Variants in TMCO4 observed in about 807,000 individuals in gnomAD.
TMCO4 encodes transmembrane and coiled-coil domain-containing protein 4.
Under a neutral mutation model 64.7 loss-of-function variants are expected in TMCO4, and 58 were observed. The ratio of observed to expected loss-of-function variants is 0.90; its 90% CI spans 0.73 to 1.12. The LOEUF is 1.12. TMCO4 is among the 50% of genes most tolerant of loss of function. The pLI is 0.00. For missense variants in TMCO4, 780 were observed against 825.9 expected (o/e 0.94, Z 0.68); for synonymous variants, 325 against 346.1 (o/e 0.94, Z 0.68).
At chr1:19,797,429 A>G (rs936701594) in intron 2 of TMCO4, among the ~76,000 whole-genome samples, 3 of 152,134 alleles carry the variant, frequency 2.0e-5, no homozygotes, top group Non-Finnish European at 4.4e-5. Context: ...GAGCAGGTGC[A>G]AAGGTCCCAA....
At chr1:19,749,200 C>T (rs186674876) in intron 7 of TMCO4, among the ~76,000 whole-genome samples, 143 of 152,310 alleles carry the variant, frequency 9.4e-4, no homozygotes, top group African/African-American at 3.3e-3. Context: ...GGCATGAATC[C>T]TAGCTCTGCT....
At chr1:19,712,317 T>C (rs1242328765) in intron 13 of TMCO4, among the ~76,000 whole-genome samples, 2 of 151,966 alleles carry the variant, frequency 1.3e-5, no homozygotes, top group African/African-American at 2.4e-5. Flanking sequence ...CCATAACAGA[T>C]ACAATAATAA....
chr1:19,776,796 G>A (rs974792964), intron 4 of TMCO4, among the ~76,000 whole-genome samples: 1 of 152,138 alleles, frequency 6.6e-6, no homozygotes, highest in African/African-American at 2.4e-5. Context: ...GGAGGCCAAG[G>A]TGGGCAGATC....
rs1417260362 is a variant in TMCO4 at position 19,682,633 on chromosome 1, T to C, written c.*407A>G. 1 of 717,492 alleles carries C rather than the reference T, an allele frequency of 1.4e-6. No homozygotes were observed. Among genetic ancestry groups the C allele is most frequent in the Admixed American group, 2.0e-5 (1 of 50,024 alleles). The allele number at this position is 717,492 out of a possible 1,614,324, so 44.4% of individuals were successfully genotyped here. A position where few individuals can be genotyped will look rare whatever the true frequency, so the allele number is the denominator to read the frequency against. ...AGAACAGGCATGCACCTGGTTTTAT[T>C]GAGGCCAGGGGAGAGCTGGTGTGGG... On this transcript the variant is annotated 3_prime_UTR_variant, in exon 16 of 16. Transcript: ENST00000294543.
chr1:19,730,402 G>A (rs922485866), intron 13 of TMCO4, among the ~76,000 whole-genome samples: 20 of 152,198 alleles, frequency 1.3e-4, no homozygotes, highest in Admixed American at 3.9e-4. Flanking sequence ...TTGTCACTGC[G>A]GCATAACCTA....
chr1:19,691,110 T>A lies in TMCO4; in HGVS notation c.1500+3324A>T, dbSNP rs60563472. 7.0e-3 allele frequency among the ~76,000 whole-genome samples: 1,061 copies of A among 152,206 alleles called. 13 individuals are homozygous for A. Among genetic ancestry groups the A allele is most frequent in the African/African-American group, 0.025 (1,027 of 41,524 alleles). ...GTCTCGATCTCCTGACCTCGTGATC[T>A]GCCCGCCTTGGCCTCCCAAAGTGCT... On this transcript the variant is annotated intron_variant, in intron 15 of 15. Coordinates refer to ENST00000294543, the MANE Select transcript of TMCO4 (RefSeq NM_181719.7).
Position 19,780,590 on chromosome 1 carries a change from G to A in TMCO4, c.169C>T (p.Pro57Ser). 6.2e-7 allele frequency: 1 copy of A among 1,601,142 alleles called. No homozygotes were observed. ...GISLSQLFPE[P>S]EHSSFCTEFM... ...GACAGAAGAACTCACCTGTGTTCGG[G>A]TTCAGGAAATAACTGGGACAGGGAG... is the stretch of plus-strand genomic sequence containing the variant. Residue 57 changes from proline (P) to serine (S), a missense_variant, in exon 4 of 16, where the codon CCC (proline) becomes TCC (serine). Coordinates refer to ENST00000294543, the MANE Select transcript of TMCO4 (RefSeq NM_181719.7).
At chr1:19,753,252 G>A (rs187185600) in intron 7 of TMCO4, among the ~76,000 whole-genome samples, 16 of 152,296 alleles carry the variant, frequency 1.1e-4, no homozygotes, top group African/African-American at 3.1e-4. Context: ...GAGCCACTGC[G>A]CCTGGCCTAT....
At chr1:19,766,705 G>A (rs1425667998) in intron 6 of TMCO4, among the ~76,000 whole-genome samples, 2 of 152,192 alleles carry the variant, frequency 1.3e-5, no homozygotes, top group East Asian at 3.9e-4. Context: ...GGGAAACCAA[G>A]GCACAGAGAC....
chr1:19,740,807 G>T lies in TMCO4; in HGVS notation c.1012C>A (p.Gln338Lys), dbSNP rs1220908579. Residue 338 changes from glutamine to lysine, a missense_variant, in exon 11 of 16, where the codon CAG (glutamine) becomes AAG (lysine). Gln to Lys is a moderately conservative substitution (Grantham distance 53). Transcript: ENST00000294543. The part of the protein sequence containing the change: ...ILSGLANMVA[Q>K]EALKYTVLSG... ...AACACTGTGTACTTTAGGGCCTCCT[G>T]GGCCACCATGTTGGCGAGACCACTG... 1.2e-6 allele frequency: 2 copies of T among 1,613,620 alleles called. No individual in the cohort carries two copies. Among genetic ancestry groups the T allele is most frequent in the Non-Finnish European group, 1.7e-6 (2 of 1,179,760 alleles).
intron 13 of TMCO4, among the ~76,000 whole-genome samples, chr1:19,722,566 T>A (rs1289100263): frequency 1.3e-5 from 2 of 152,226 alleles, no homozygotes; most frequent in South Asian, 2.1e-4. Context: ...CCTCATGGCA[T>A]GGAGAATTGT....
intron 7 of TMCO4, among the ~76,000 whole-genome samples, chr1:19,752,447 C>T (rs1343579061): frequency 2.0e-5 from 3 of 152,218 alleles, no homozygotes; most frequent in Admixed American, 1.3e-4. Flanking sequence ...GCAAGACGCC[C>T]GCATTGCCCA....
chr1:19,745,734 C>A, intron 9 of TMCO4, 83 bp from the exon 10 acceptor site: 1 of 1,504,234 alleles, frequency 6.6e-7, no homozygotes, highest in Non-Finnish European at 8.9e-7. Flanking sequence ...CTCACACATG[C>A]ACACAGTGAG....
chr1:19,724,943 G>A (rs1007476617), intron 13 of TMCO4, among the ~76,000 whole-genome samples: 1 of 152,054 alleles, frequency 6.6e-6, no homozygotes, highest in Non-Finnish European at 1.5e-5. Flanking sequence ...TGTATTTTAA[G>A]TAGAGACGGG....
At chr1:19,718,030 C>A (rs919656852) in intron 13 of TMCO4, among the ~76,000 whole-genome samples, 1 of 152,074 alleles carries the variant, frequency 6.6e-6, no homozygotes, top group African/African-American at 2.4e-5. Flanking sequence ...TCAGGTTTCC[C>A]ATTTTCAAAA....
Position 19,683,243 on chromosome 1 carries a change from C to A in TMCO4, c.1702G>T (p.Gly568Ter), listed in dbSNP as rs745651024. The part of the protein sequence containing the change: ...QVGQTQGPIS[G>*]DTSKLAMSTD... The stretch of plus-strand genomic sequence containing the variant: ...GACATGGCCAATTTGGAGGTGTCTC[C>A]GGATATGGGACCCTGGGTTTGCCCA... The change falls in exon 16 of 16, where the codon GGA (glycine) becomes TGA (stop). Residue 568 changes from glycine to a stop codon, truncating the protein, a stop_gained. Transcript: ENST00000294543. LOFTEE classifies it low-confidence loss of function (END_TRUNC). 1 of 1,614,182 alleles carries A rather than the reference C, an allele frequency of 6.2e-7. No homozygotes were observed. Among genetic ancestry groups the A allele is most frequent in the Non-Finnish European group, 8.5e-7 (1 of 1,180,024 alleles).
intron 4 of TMCO4, among the ~76,000 whole-genome samples, chr1:19,774,789 G>GAAGGGAGGTACTAGTT (rs145386057): frequency 6.6e-6 from 1 of 152,168 alleles, no homozygotes; most frequent in Non-Finnish European, 1.5e-5. Context: ...ACCCCATGAG[G>GAAGGGAGGTACTAGTT]AAGGGAGGTA....
At chr1:19,723,284 A>G (rs907288579) in intron 13 of TMCO4, among the ~76,000 whole-genome samples, 2 of 152,106 alleles carry the variant, frequency 1.3e-5, no homozygotes, top group African/African-American at 4.8e-5. Context: ...TTGGATTTTG[A>G]ATTTTTGGAT....
Position 19,683,244 on chromosome 1 carries a change from G to A in TMCO4, c.1701C>T (p.Ser567=), listed in dbSNP as rs10917514. The change falls in exon 16 of 16, where the codon TCC becomes TCT. Residue 567 remains serine, a synonymous_variant. Coordinates refer to ENST00000294543, the MANE Select transcript of TMCO4 (RefSeq NM_181719.7). Reference sequence around the variant, plus strand: ...ACATGGCCAATTTGGAGGTGTCTCCGGATATGGGACCCTGGGTTTGCCCAA... The same window carrying A: ...ACATGGCCAATTTGGAGGTGTCTCCAGATATGGGACCCTGGGTTTGCCCAA... The part of the protein sequence containing the change: ...HQVGQTQGPI[S]GDTSKLAMST... The A allele has an allele frequency of 0.13, 213,463 of 1,614,130 alleles. 15,240 individuals carry two copies. The highest frequency in any genetic ancestry group is 0.26 in the East Asian group (11,737 of 44,864).
Sources: gnomAD v4.1 joint callset for allele counts (sites outside exome capture counted in the v4.1 genomes callset) on GRCh38, gnomAD v4.1.1 for gene constraint, MANE v1.5 for transcripts, NCBI Gene and HGNC (gene_info 2026-07-23, HGNC 2026-07-21) for gene names.